The following MCF2L2 variants were observed in gnomAD, a reference collection of about 807,000 sequenced individuals.
MCF2L2 encodes probable guanine nucleotide exchange factor MCF2L2.
MCF2L2 carries 102 observed loss-of-function variants against 150.2 expected under a neutral mutation model. The ratio of observed to expected loss-of-function variants is 0.68; its 90% CI spans 0.58 to 0.80. The LOEUF (loss-of-function observed/expected upper bound fraction) is 0.80. Among genes scored for constraint, MCF2L2 ranks in the 30% least tolerant of loss-of-function variants. The probability of loss-of-function intolerance (pLI) is 0.00; values close to 1 mark genes in which losing one functional copy is unlikely to be tolerated. For synonymous variants in MCF2L2, 465 were observed against 491.3 expected (o/e 0.95, Z 0.71); for missense variants, 1,256 against 1,372.8 (o/e 0.91, Z 1.34).
chr3:183,381,194 G>A (rs1458086347), intron 2 of MCF2L2, among the ~76,000 whole-genome samples: 1 of 152,212 alleles, frequency 6.6e-6, no homozygotes, highest in East Asian at 1.9e-4. Context: ...AACTACAAAT[G>A]ACTGAATGTA....
At chr3:183,310,772 G>C in intron 9 of MCF2L2, 143 bp downstream of exon 9, 3 of 613,266 alleles carry the variant, frequency 4.9e-6, no homozygotes, top group Non-Finnish European at 8.7e-6. Flanking sequence ...GGTTGGAGGG[G>C]GTGGTCTGTA....
chr3:183,425,304 G>A (rs1383813216), intron 1 of MCF2L2, among the ~76,000 whole-genome samples: 3 of 152,170 alleles, frequency 2.0e-5, no homozygotes. Flanking sequence ...AGAAACCCCT[G>A]CTGGAGGAGA....
intron 3 of MCF2L2, among the ~76,000 whole-genome samples, chr3:183,365,784 A>G (rs1712486757): frequency 6.6e-6 from 1 of 152,218 alleles, no homozygotes; most frequent in Admixed American, 6.5e-5. Flanking sequence ...TCACGGCAAA[A>G]AAACATCCTA....
At chr3:183,424,042 A>G (rs1716038546) in intron 1 of MCF2L2, among the ~76,000 whole-genome samples, 1 of 152,146 alleles carries the variant, frequency 6.6e-6, no homozygotes, top group Non-Finnish European at 1.5e-5. Flanking sequence ...AGTCCATGTT[A>G]CTTAGACAGC....
intron 15 of MCF2L2, among the ~76,000 whole-genome samples, chr3:183,260,402 G>A (rs1346339525): frequency 6.6e-6 from 1 of 152,164 alleles, no homozygotes; most frequent in African/African-American, 2.4e-5. Flanking sequence ...AAGCAACCGT[G>A]TCAGCCCAAA....
intron 18 of MCF2L2, chr3:183,226,173 T>C (rs1723334219): frequency 6.6e-6 from 1 of 152,202 alleles, no homozygotes; most frequent in Non-Finnish European, 1.5e-5. Context: ...AAACACTTGG[T>C]CAGAAAACTA....
intron 15 of MCF2L2, among the ~76,000 whole-genome samples, chr3:183,234,709 T>A (rs975085238): frequency 2.5e-5 from 3 of 122,210 alleles, no homozygotes; most frequent in South Asian, 2.7e-4. Flanking sequence ...TTTTTTTTTT[T>A]ATTATACTCT....
chr3:183,282,847 T>C (rs1370756440), intron 14 of MCF2L2, among the ~76,000 whole-genome samples: 1 of 152,196 alleles, frequency 6.6e-6, no homozygotes, highest in Non-Finnish European at 1.5e-5. Context: ...ACAAGGCCAG[T>C]GGGTTGACTA....
chr3:183,266,012 A>C (rs775403739), intron 15 of MCF2L2: 4 of 152,252 alleles, frequency 2.6e-5, no homozygotes, highest in Non-Finnish European at 5.9e-5. Context: ...CTGAAAAAAT[A>C]CAGGAAAATA....
Position 183,224,153 on chromosome 3 carries a change from T to C in MCF2L2, c.2153A>G (p.Asn718Ser). 1.2e-6 allele frequency: 2 copies of C among 1,613,998 alleles called. No individual in the cohort carries two copies. Residue 718 changes from asparagine (N) to serine (S), a missense_variant, in exon 19 of 30, where the codon AAT becomes AGT. Physicochemically the swap from Asn to Ser is conservative, Grantham distance 46. Transcript: ENST00000328913. ...CCAGATTGCCCTAGCTCGGGGCAGA[T>C]TCTTATGGTATTTAAAATATATCTG... ...DLQIYFKYHKNLPRARAIWQE... is the reference protein window; with the variant it reads ...DLQIYFKYHKSLPRARAIWQE...
At chr3:183,264,376 G>C (rs989694963) in intron 15 of MCF2L2, among the ~76,000 whole-genome samples, 3 of 152,172 alleles carry the variant, frequency 2.0e-5, no homozygotes, top group African/African-American at 7.2e-5. Flanking sequence ...CCTGGGGTTG[G>C]TGTCATGCAG....
At chr3:183,195,072 TG>T in intron 26 of MCF2L2, 149 bp downstream of exon 26, 1 of 673,316 alleles carries the variant, frequency 1.5e-6, no homozygotes, top group Non-Finnish European at 2.5e-6. Context: ...CGTGAGCCAC[TG>T]CGCCCAGCCA....
intron 6 of MCF2L2, among the ~76,000 whole-genome samples, chr3:183,319,960 G>T (rs145162964): frequency 1.1e-3 from 160 of 152,328 alleles, no homozygotes; most frequent in Non-Finnish European, 2.0e-3. Context: ...AAGAGAGTCA[G>T]CCTGTCCTTT....
At chr3:183,212,870 G>T (rs936602027) in intron 22 of MCF2L2, among the ~76,000 whole-genome samples, 1 of 147,788 alleles carries the variant, frequency 6.8e-6, no homozygotes, top group African/African-American at 2.5e-5. Context: ...TCTGTTGGGC[G>T]CCAGGCACAG....
rs1344780482 is a variant in MCF2L2, at chr3:183,197,811, T to C, written c.2885-2556A>G. 1.3e-5 allele frequency among the ~76,000 whole-genome samples: 2 copies of C among 152,094 alleles called. No individual in the cohort carries two copies. Among genetic ancestry groups the C allele is most frequent in the Non-Finnish European group, 2.9e-5 (2 of 68,024 alleles). ...CACTTCACCAAAGAAGAGATAAAGA[T>C]GGCAAAGAAGCACATAAAGAGATGC... On this transcript the variant is annotated intron_variant, in intron 25 of 29. Coordinates refer to ENST00000328913, the MANE Select transcript of MCF2L2 (RefSeq NM_015078.4). This position sits in a 1 kb window ranked among gnomAD's most constrained non-coding sequence, Gnocchi z 4.5.
At chr3:183,247,886 A>G (rs950755613) in intron 15 of MCF2L2, among the ~76,000 whole-genome samples, 3 of 152,184 alleles carry the variant, frequency 2.0e-5, no homozygotes, top group African/African-American at 7.2e-5. Flanking sequence ...TCCTGGAACC[A>G]ATTCCCCATG....
intron 15 of MCF2L2, among the ~76,000 whole-genome samples, chr3:183,247,346 G>A (rs996202359): frequency 2.6e-5 from 4 of 152,182 alleles, no homozygotes; most frequent in South Asian, 2.1e-4. Context: ...TGGCTCATCC[G>A]TGTATGCCTG....
At chr3:183,199,326 T>C (rs1487457757) in intron 25 of MCF2L2, among the ~76,000 whole-genome samples, 2 of 152,218 alleles carry the variant, frequency 1.3e-5, no homozygotes, top group Non-Finnish European at 2.9e-5. Flanking sequence ...GAAGATAGAC[T>C]TTCCACATGA....
At chr3:183,402,967 A>C (rs1017524562) in intron 1 of MCF2L2, among the ~76,000 whole-genome samples, 1 of 152,050 alleles carries the variant, frequency 6.6e-6, no homozygotes, top group African/African-American at 2.4e-5. Flanking sequence ...CTTATTCTTT[A>C]CTTGAGGAAG....
Sources: gnomAD v4.1 joint callset for allele counts (sites outside exome capture counted in the v4.1 genomes callset) on GRCh38, gnomAD v4.1.1 for gene constraint, Gnocchi (gnomAD v3.1) non-coding constraint, MANE v1.5 for transcripts, NCBI Gene and HGNC (gene_info 2026-07-23, HGNC 2026-07-21) for gene names.